The following ITIH2 variants were observed in gnomAD, a reference collection of about 807,000 sequenced individuals.
ITIH2 encodes inter-alpha-trypsin inhibitor heavy chain 2.
ITIH2 carries 103 observed loss-of-function variants against 104.4 expected under a neutral mutation model. The observed-to-expected ratio is 0.99, with a 90% CI of 0.84 to 1.16. The LOEUF is 1.16. Ranked by LOEUF, ITIH2 falls within the 50% of genes most tolerant of loss-of-function variation. The pLI, the probability that ITIH2 is intolerant of heterozygous loss-of-function variation, is 0.00. For missense variants in ITIH2, 1,108 were observed against 1,162.4 expected (o/e 0.95, Z 0.68); for synonymous variants, 436 against 435.4 (o/e 1.00, Z -0.02).
intron 5 of ITIH2, among the ~76,000 whole-genome samples, chr10:7,716,095 C>T (rs1834847047): frequency 6.6e-6 from 1 of 152,098 alleles, no homozygotes; most frequent in African/African-American, 2.4e-5. Context: ...AGCAATTCTC[C>T]CCTCTCAGCC....
At chr10:7,746,566 A>T (rs1323668374) in intron 19 of ITIH2, 27 bp from the exon 20 acceptor site, 1 of 1,427,178 alleles carries the variant, frequency 7.0e-7, no homozygotes, top group Admixed American at 1.7e-5. Flanking sequence ...ATTACATGTC[A>T]ATCAATGTCT....
chr10:7,725,737 C>T (rs762513253), intron 9 of ITIH2, among the ~76,000 whole-genome samples: 2 of 152,228 alleles, frequency 1.3e-5, no homozygotes, highest in East Asian at 1.9e-4. Flanking sequence ...GCCATGGAAG[C>T]GTGGTGTTCA....
rs553454623 is a variant in ITIH2, at chr10:7,732,379, C to A, written c.1689C>A (p.Asp563Glu). ...QLVLETLAQM[D>E]DLQDFLSKDK... ...TCTTGGAGACCCTGGCCCAGATGGA[C>A]GACTTGCAGGATTTTCTATCGAAAG... Residue 563 changes from aspartate to glutamate, a missense_variant, in exon 14 of 21, where the codon GAC becomes GAA. Transcript: ENST00000358415. 1 of 1,614,034 alleles carries A rather than the reference C, an allele frequency of 6.2e-7. No individual in the cohort carries two copies. The highest frequency in any genetic ancestry group is 1.1e-5 in the South Asian group (1 of 91,066).
intron 15 of ITIH2, among the ~76,000 whole-genome samples, chr10:7,735,354 A>T (rs1009441080): frequency 2.0e-5 from 3 of 152,086 alleles, no homozygotes; most frequent in Admixed American, 6.5e-5. Context: ...AATATTTGAA[A>T]TTTTTTATCT....
At chr10:7,713,440 T>C in intron 5 of ITIH2, 155 bp downstream of exon 5, 1 of 603,786 alleles carries the variant, frequency 1.7e-6, no homozygotes, top group Non-Finnish European at 2.9e-6. Context: ...GGCACTGCAG[T>C]TTCTATTCGC....
chr10:7,742,090 T>C (rs751192389), intron 16 of ITIH2, among the ~76,000 whole-genome samples: 2 of 152,242 alleles, frequency 1.3e-5, no homozygotes, highest in Non-Finnish European at 2.9e-5. Flanking sequence ...TGATTATGTC[T>C]GCCCCTTGCA....
intron 2 of ITIH2, 86 bp from the exon 3 acceptor site, chr10:7,707,115 T>C: frequency 2.3e-6 from 2 of 870,546 alleles, no homozygotes; most frequent in Non-Finnish European, 3.7e-6. Flanking sequence ...AAATAAAATT[T>C]CTTTTTTGAC....
intron 9 of ITIH2, among the ~76,000 whole-genome samples, chr10:7,724,590 A>C (rs1834935439): frequency 6.7e-6 from 1 of 149,548 alleles, no homozygotes. Flanking sequence ...AAAAAAAAGA[A>C]GAGGAAGAAG....
chr10:7,713,991 G>C (rs1029152952), intron 5 of ITIH2, among the ~76,000 whole-genome samples: 3 of 151,940 alleles, frequency 2.0e-5, no homozygotes, highest in African/African-American at 7.3e-5. Flanking sequence ...GCTGGGCTGC[G>C]ATAGGGTCTT....
intron 16 of ITIH2, among the ~76,000 whole-genome samples, chr10:7,742,356 A>T (rs1835134922): frequency 6.6e-6 from 1 of 152,104 alleles, no homozygotes; most frequent in South Asian, 2.1e-4. Flanking sequence ...TTGATTCTTC[A>T]TTGCTTTTGG....
At chr10:7,720,790 T>A (rs966954125) in intron 6 of ITIH2, 66 bp from the exon 7 acceptor site, 18 of 1,001,752 alleles carry the variant, frequency 1.8e-5, no homozygotes, top group Non-Finnish European at 2.7e-5. Flanking sequence ...TTTGTAATTT[T>A]ACTTCTTGCT....
At chr10:7,746,468 TCAGC>T in intron 19 of ITIH2, 121 bp from the exon 20 acceptor site, 1 of 649,402 alleles carries the variant, frequency 1.5e-6, no homozygotes, top group Admixed American at 2.6e-5. Context: ...CTTTTTCCTC[TCAGC>T]TTGTCTTTCC....
chr10:7,741,159 A>G (rs892037104), intron 16 of ITIH2, among the ~76,000 whole-genome samples: 2 of 150,198 alleles, frequency 1.3e-5, no homozygotes, highest in African/African-American at 4.9e-5. Context: ...AGGATATCAT[A>G]ATGATTGTTT....
chr10:7,749,302 C>G lies in ITIH2; in HGVS notation c.2809C>G (p.Pro937Ala), dbSNP rs750002330. The G allele has an allele frequency of 6.2e-7, 1 of 1,614,122 alleles. No individual in the cohort carries two copies. ...CGGGCATTACAAGGATTACTTCGTG[C>G]CTCAGCTCTACAGCTTTCTCAAACG... Reference protein sequence around the residue: ...IDGHYKDYFVPQLYSFLKRP With the variant: ...IDGHYKDYFVAQLYSFLKRP The change falls in exon 21 of 21, where the codon CCT (proline) becomes GCT (alanine). Residue 937 changes from proline to alanine, a missense_variant. Pro to Ala is a conservative substitution (Grantham distance 27). Transcript: ENST00000358415.
chr10:7,706,017 A>G (rs1021681379), intron 2 of ITIH2, among the ~76,000 whole-genome samples: 1 of 152,206 alleles, frequency 6.6e-6, no homozygotes, highest in Non-Finnish European at 1.5e-5. Context: ...CACGGAGCCC[A>G]CATGCTGAGA....
At chr10:7,723,388 C>A (rs1834924640) in intron 8 of ITIH2, 63 bp from the exon 9 acceptor site, 1 of 1,034,426 alleles carries the variant, frequency 9.7e-7, no homozygotes, top group Non-Finnish European at 1.5e-6. Flanking sequence ...TCCCCAGGTC[C>A]CCATCTTCCT....
chr10:7,724,279 A>G (rs1053492378), intron 9 of ITIH2, among the ~76,000 whole-genome samples: 4 of 152,138 alleles, frequency 2.6e-5, no homozygotes, highest in African/African-American at 9.7e-5. Context: ...ACCTAAAAGA[A>G]GTCCCTGTCA....
At position 7,744,815 on chromosome 10, in the gene ITIH2, A is replaced by G. The variant is rs761071188; in HGVS notation, c.2433A>G (p.Glu811=). The G allele has an allele frequency of 6.2e-7, 1 of 1,613,848 alleles. No homozygotes were observed. Among genetic ancestry groups the G allele is most frequent in the Non-Finnish European group, 8.5e-7 (1 of 1,179,962 alleles). ...GGGTGCAGATCTCAGTGAAGAAAGA[A>G]AAAGTGGTAACTATCACCCTGGATA... ...NQRVQISVKK[E]KVVTITLDKE... is the part of the protein sequence containing the mutation. Residue 811 remains glutamate (E), a synonymous_variant, in exon 19 of 21, where the codon GAA becomes GAG. Transcript: ENST00000358415.
chr10:7,725,233 T>G (rs4749197), intron 9 of ITIH2, among the ~76,000 whole-genome samples: 117,342 of 152,134 alleles, frequency 0.77, 45,369 homozygotes, highest in Admixed American at 0.83. Context: ...ATTGCAGGGG[T>G]ATGCAATTTT....
Sources: allele counts gnomAD v4.1 joint callset (sites outside exome capture counted in the v4.1 genomes callset), GRCh38; gene constraint gnomAD v4.1.1; transcripts MANE v1.5; gene names NCBI Gene and HGNC (gene_info 2026-07-23, HGNC 2026-07-21).